Variants in PAQR8 observed in about 807,000 individuals in gnomAD.
PAQR8 encodes membrane progestin receptor beta.
PAQR8 carries 17 observed loss-of-function variants against 25.2 expected under a neutral mutation model. That is an observed-to-expected ratio of 0.67 (90% CI 0.46 to 1.01). The LOEUF (loss-of-function observed/expected upper bound fraction) is 1.01, where lower values mean the gene tolerates loss of function less well. Among genes scored for constraint, PAQR8 ranks in the 50% least tolerant of loss-of-function variants. PAQR8 has a pLI of 0.00. For synonymous variants in PAQR8, 204 were observed against 190.6 expected, an observed-to-expected ratio of 1.07 and a Z score of -0.58; for missense variants, 392 against 448.4, an observed-to-expected ratio of 0.87 and a Z score of 1.14.
At position 52,366,966 on chromosome 6, in the gene PAQR8, G is replaced by A. The variant is rs140469003; in HGVS notation, c.-53+4717G>A. Among the ~76,000 whole-genome samples, 1,014 of 152,134 alleles carry A rather than the reference G, an allele frequency of 6.7e-3. 8 individuals are homozygous for A. Among genetic ancestry groups the A allele is most frequent in the African/African-American group, 0.023 (975 of 41,492 alleles). Reference sequence around the variant, plus strand: ...CCACCATGTTGGTCAGGCTGGTCTCGAACTCCTGACCTCGTGATCTGCCCA... The same window carrying A: ...CCACCATGTTGGTCAGGCTGGTCTCAAACTCCTGACCTCGTGATCTGCCCA... On this transcript the variant is annotated intron_variant, in intron 1 of 1. Transcript: ENST00000442253.
chr6:52,375,630 A>G (rs943016953), intron 1 of PAQR8, among the ~76,000 whole-genome samples: 5 of 151,910 alleles, frequency 3.3e-5, no homozygotes, highest in African/African-American at 1.2e-4. Context: ...CTCCCTCCTC[A>G]GCCTCCCAAG....
rs61021095 is a variant in PAQR8 at position 52,366,115 on chromosome 6, C to T, written c.-53+3866C>T. Among the ~76,000 whole-genome samples the T allele has an allele frequency of 0.01, 1,572 of 151,998 alleles. 87 individuals are homozygous for T. The East Asian group carries it at 0.18, about 17-fold the overall frequency. ...GAATAGCCTGGCACTGAAATCTCAG[C>T]TCTTCTGTAAATGTCAACACTAGTT... On this transcript the variant is annotated intron_variant, in intron 1 of 1. Coordinates refer to ENST00000442253, the MANE Select transcript of PAQR8 (RefSeq NM_133367.5).
At chr6:52,379,458 T>A (rs1457158221) in intron 1 of PAQR8, among the ~76,000 whole-genome samples, 2 of 152,114 alleles carry the variant, frequency 1.3e-5, no homozygotes, top group Admixed American at 1.3e-4. Context: ...TTTTACTTTA[T>A]TTTTATTTTT....
At chr6:52,366,692 C>T (rs889866761) in intron 1 of PAQR8, among the ~76,000 whole-genome samples, 7 of 151,884 alleles carry the variant, frequency 4.6e-5, no homozygotes, top group South Asian at 2.1e-4. Flanking sequence ...TTCTGAGTAG[C>T]GGTTTATGTA....
At chr6:52,376,049 T>C (rs1214060757) in intron 1 of PAQR8, among the ~76,000 whole-genome samples, 1 of 152,232 alleles carries the variant, frequency 6.6e-6, no homozygotes, top group Non-Finnish European at 1.5e-5. Flanking sequence ...ATCTAGATTA[T>C]GTGTAGTTTA....
At chr6:52,390,664 C>T (rs907527101) in intron 1 of PAQR8, among the ~76,000 whole-genome samples, 1 of 152,150 alleles carries the variant, frequency 6.6e-6, no homozygotes, top group African/African-American at 2.4e-5. Context: ...CTGGCTTTTC[C>T]AATCTAAGAG....
Position 52,404,170 on chromosome 6 carries a change from T to C in PAQR8, c.957T>C (p.Ser319=). 10 of 1,614,142 alleles carry C rather than the reference T, an allele frequency of 6.2e-6. No homozygotes were observed. Among genetic ancestry groups the C allele is most frequent in the Non-Finnish European group, 8.5e-6 (10 of 1,180,002 alleles). ...EIFLQRHGPL[S]VHMACLSFFF... ...TCCTGCAGCGCCATGGACCCCTATC[T>C]GTCCACATGGCCTGCCTCTCCTTCT... The change falls in exon 2 of 2, where the codon TCT becomes TCC. Residue 319 remains serine, a synonymous_variant. Coordinates refer to ENST00000442253, the MANE Select transcript of PAQR8 (RefSeq NM_133367.5).
intron 1 of PAQR8, among the ~76,000 whole-genome samples, chr6:52,397,659 T>G (rs1379454028): frequency 6.6e-6 from 1 of 152,176 alleles, no homozygotes; most frequent in Non-Finnish European, 1.5e-5. Context: ...TTACAAGACT[T>G]GAGATTATCC....
intron 1 of PAQR8, among the ~76,000 whole-genome samples, chr6:52,377,410 T>C (rs1264525078): frequency 6.6e-6 from 1 of 152,196 alleles, no homozygotes; most frequent in Non-Finnish European, 1.5e-5. Flanking sequence ...GCCTCCAAGA[T>C]CAATGCAACC....
At chr6:52,383,286 G>C (rs1378043041) in intron 1 of PAQR8, among the ~76,000 whole-genome samples, 1 of 152,226 alleles carries the variant, frequency 6.6e-6, no homozygotes. Flanking sequence ...TCACAGTTCA[G>C]GTTTAGGAAT....
chr6:52,389,699 G>A (rs1763676170), intron 1 of PAQR8, among the ~76,000 whole-genome samples: 2 of 152,200 alleles, frequency 1.3e-5, no homozygotes, highest in Admixed American at 1.3e-4. Context: ...CTGCAGAAGA[G>A]TTAATGTTTA....
At chr6:52,376,185 TG>T (rs1009081032) in intron 1 of PAQR8, among the ~76,000 whole-genome samples, 1 of 152,154 alleles carries the variant, frequency 6.6e-6, no homozygotes, top group African/African-American at 2.4e-5. Flanking sequence ...ACTTCCTTGG[TG>T]AGGTTTTAAG....
intron 1 of PAQR8, among the ~76,000 whole-genome samples, chr6:52,385,660 A>G (rs1475945947): frequency 1.3e-5 from 2 of 152,196 alleles, no homozygotes; most frequent in African/African-American, 2.4e-5. Flanking sequence ...AGGTGGGTAG[A>G]TTGCCTGAGC....
intron 1 of PAQR8, among the ~76,000 whole-genome samples, chr6:52,386,866 A>G (rs1886246): frequency 0.097 from 14,733 of 152,272 alleles, 1,200 homozygotes; most frequent in Admixed American, 0.26. Context: ...AGTGATAAAC[A>G]ATCACAACCT....
chr6:52,367,451 C>G (rs1351713362), intron 1 of PAQR8, among the ~76,000 whole-genome samples: 1 of 152,160 alleles, frequency 6.6e-6, no homozygotes, highest in Non-Finnish European at 1.5e-5. Context: ...ACAGAAGGAT[C>G]GCAATAAGTG....
rs1308987202 is a variant in PAQR8 at position 52,405,393 on chromosome 6, C to G, written c.*1115C>G. The stretch of plus-strand genomic sequence containing the variant: ...CTTAGAGCAGAACCCATAAAATACT[C>G]AAGTACTGGGATAGGCAAGCATGTG... On this transcript the variant is annotated 3_prime_UTR_variant, in exon 2 of 2. Transcript: ENST00000442253. The G allele has an allele frequency of 1.2e-5, 2 of 167,118 alleles. No individual in the cohort carries two copies. Among genetic ancestry groups the G allele is most frequent in the East Asian group, 3.8e-4 (2 of 5,202 alleles). The allele number at this position is 167,118 out of a possible 1,614,324, so 10.4% of individuals were successfully genotyped here. A position where few individuals can be genotyped will look rare whatever the true frequency, so the allele number is the denominator to read the frequency against.
chr6:52,378,249 A>C (rs1763507924), intron 1 of PAQR8, among the ~76,000 whole-genome samples: 1 of 152,280 alleles, frequency 6.6e-6, no homozygotes, highest in Non-Finnish European at 1.5e-5. Context: ...AACTGGATAA[A>C]GAACAGTAAC....
intron 1 of PAQR8, among the ~76,000 whole-genome samples, chr6:52,383,671 A>AC (rs1406612406): frequency 4.0e-5 from 6 of 151,786 alleles, no homozygotes; most frequent in Admixed American, 2.6e-4. Context: ...AAAAAAAAAA[A>AC]AAAAAACCAG....
In PAQR8 at chr6:52,405,792, A is replaced by G. The variant is rs1763900876; in HGVS notation, c.*1514A>G. On this transcript the variant is annotated 3_prime_UTR_variant, in exon 2 of 2. Coordinates refer to ENST00000442253, the MANE Select transcript of PAQR8 (RefSeq NM_133367.5). Reference sequence around the variant, plus strand: ...AGATTTGTGGGTTTTGTGCCTTATAAATGGAAATGTATGAACACAATATAT... The same window carrying G: ...AGATTTGTGGGTTTTGTGCCTTATAGATGGAAATGTATGAACACAATATAT... 6.0e-6 allele frequency: 1 copy of G among 167,058 alleles called. No homozygotes were observed. The allele number at this position is 167,058 out of a possible 1,614,324, so 10.3% of individuals were successfully genotyped here.
Sources: gnomAD v4.1 joint callset for allele counts (sites outside exome capture counted in the v4.1 genomes callset) on GRCh38, gnomAD v4.1.1 for gene constraint, MANE v1.5 for transcripts, NCBI Gene and HGNC (gene_info 2026-07-23, HGNC 2026-07-21) for gene names.